The following CLASP2 variants were observed in gnomAD, a reference collection of about 807,000 sequenced individuals.
CLASP2 encodes cytoplasmic linker associated protein 2, also known as CLIP-associating protein 2.
Under a neutral mutation model 194.4 loss-of-function variants are expected in CLASP2, and 47 were observed. That is an observed-to-expected ratio of 0.24 (90% confidence interval 0.19 to 0.31). The LOEUF (loss-of-function observed/expected upper bound fraction) is 0.31. Among genes scored for constraint, CLASP2 ranks in the 10% least tolerant of loss-of-function variants. CLASP2 has a pLI of 1.00. For synonymous variants in CLASP2, 619 were observed against 633.5 expected (o/e 0.98, Z 0.34); for missense variants, 1,445 against 1,823.6 (o/e 0.79, Z 3.78).
At chr3:33,501,878 G>T in intron 37 of CLASP2, 110 bp from the exon 38 acceptor site, 1 of 715,902 alleles carries the variant, frequency 1.4e-6, no homozygotes. Context: ...GCATACTAAG[G>T]AGAGAAAAGT....
In CLASP2 at chr3:33,622,196, G is replaced by A. The variant is rs753854739; in HGVS notation, c.1120C>T (p.Leu374Phe). 1.7e-5 allele frequency: 27 copies of A among 1,604,430 alleles called. No individual in the cohort carries two copies. The highest frequency in any genetic ancestry group is 2.2e-5 in the Non-Finnish European group (26 of 1,175,476). Reference sequence around the variant, plus strand: ...CTAAGATCCTTAGCTGAAAGTTTAAGTGCTCCATCCAACAATCGTAAATGT... The same window carrying A: ...CTAAGATCCTTAGCTGAAAGTTTAAATGCTCCATCCAACAATCGTAAATGT... ...FQHLRLLDGA[L>F]KLSAKDLRSQ... The change falls in exon 11 of 39, where the codon CTT (leucine) becomes TTT (phenylalanine). Residue 374 changes from leucine (L) to phenylalanine (F), a missense_variant. Transcript: ENST00000682230.
intron 32 of CLASP2, among the ~76,000 whole-genome samples, chr3:33,539,813 T>C (rs2058033322): frequency 6.6e-6 from 1 of 152,146 alleles, no homozygotes; most frequent in Non-Finnish European, 1.5e-5. Context: ...AGAAAGTTTA[T>C]CAATCTCTGT....
At chr3:33,596,142 A>G (rs2070286998) in intron 19 of CLASP2, among the ~76,000 whole-genome samples, 1 of 152,100 alleles carries the variant, frequency 6.6e-6, no homozygotes, top group Middle Eastern at 3.4e-3. Context: ...AATATCATAC[A>G]GGGTTGTTAC....
Position 33,511,742 on chromosome 3 carries a change from C to T in CLASP2, c.4111-978G>A, listed in dbSNP as rs1056883436. ...ACAAACAACCCCATCAAAAAGTGGG[C>T]GAAGGACATGAACAGACACTTCTCA... On this transcript the variant is annotated intron_variant, in intron 36 of 38. Coordinates refer to ENST00000682230, the MANE Select transcript of CLASP2 (RefSeq NM_001365631.1). Among the ~76,000 whole-genome samples, 6 of 65,966 alleles carry T rather than the reference C, an allele frequency of 9.1e-5. 2 individuals are homozygous for T. The highest frequency in any genetic ancestry group is 2.2e-4 in the African/African-American group (4 of 18,074). 43.3% of individuals were successfully genotyped at this position (65,966 alleles called of 152,430 possible). A position where few individuals can be genotyped will look rare whatever the true frequency, so the allele number is the denominator to read the frequency against.
intron 18 of CLASP2, among the ~76,000 whole-genome samples, chr3:33,600,084 T>G (rs984747278): frequency 6.6e-6 from 1 of 152,068 alleles, no homozygotes; most frequent in African/African-American, 2.4e-5. Flanking sequence ...TATATATATT[T>G]TTTTTGTGTG....
chr3:33,670,198 A>G (rs936742498), intron 6 of CLASP2, among the ~76,000 whole-genome samples: 3 of 152,190 alleles, frequency 2.0e-5, no homozygotes, highest in Non-Finnish European at 2.9e-5. Context: ...TTAATATAAA[A>G]TTCAGAAACA....
intron 20 of CLASP2, among the ~76,000 whole-genome samples, chr3:33,594,224 A>C (rs2069592999): frequency 6.6e-6 from 1 of 152,212 alleles, no homozygotes; most frequent in Admixed American, 6.5e-5. Flanking sequence ...TAAATATGAG[A>C]CCAAATAAAA....
intron 6 of CLASP2, among the ~76,000 whole-genome samples, chr3:33,666,603 A>C (rs2086216010): frequency 6.6e-6 from 1 of 152,210 alleles, no homozygotes. Context: ...CTATTCACCA[A>C]GTAATGGACA....
At chr3:33,674,621 C>T in intron 6 of CLASP2, among the ~76,000 whole-genome samples, 1 of 151,828 alleles carries the variant, frequency 6.6e-6, no homozygotes, top group Non-Finnish European at 1.5e-5. Context: ...CACAAAAAAC[C>T]CTTCAAAAAA....
chr3:33,684,087 T>C (rs1488541357), intron 6 of CLASP2, among the ~76,000 whole-genome samples: 1 of 150,186 alleles, frequency 6.7e-6, no homozygotes, highest in Non-Finnish European at 1.5e-5. Flanking sequence ...CTACTAAAAA[T>C]ACAAAAAATT....
chr3:33,687,149 G>T lies in CLASP2; in HGVS notation c.471-14C>A. 2 of 1,527,456 alleles carry T rather than the reference G, an allele frequency of 1.3e-6. No homozygotes were observed. Among genetic ancestry groups the T allele is most frequent in the South Asian group, 1.2e-5 (1 of 80,804 alleles). The allele number at this position is 1,527,456 out of a possible 1,614,324, so 94.6% of individuals were successfully genotyped here. On this transcript the variant is annotated splice_polypyrimidine_tract_variant and intron_variant, in intron 4 of 38. Coordinates refer to ENST00000682230, the MANE Select transcript of CLASP2 (RefSeq NM_001365631.1). ...TGAGCCCCAAAACTAAATATAATTT[G>T]AGAAAAAAATAAAGAAAATTTGTTT... is the stretch of plus-strand genomic sequence containing the variant.
intron 11 of CLASP2, 132 bp downstream of exon 11, chr3:33,622,003 T>G (rs1217667705): frequency 3.3e-6 from 2 of 607,752 alleles, no homozygotes; most frequent in Admixed American, 8.3e-5. Context: ...TGAATCCTTA[T>G]GTATAATAAA....
intron 27 of CLASP2, among the ~76,000 whole-genome samples, chr3:33,561,864 G>T (rs902861764): frequency 7.2e-5 from 11 of 151,882 alleles, no homozygotes; most frequent in Admixed American, 5.2e-4. Flanking sequence ...TGTATTACTG[G>T]ACAAATCATA....
intron 16 of CLASP2, 69 bp downstream of exon 16, chr3:33,606,522 T>A: frequency 8.0e-7 from 1 of 1,253,602 alleles, no homozygotes; most frequent in Non-Finnish European, 1.1e-6. Flanking sequence ...TATTCAAGTA[T>A]CCAACTTATG....
chr3:33,628,108 C>T (rs1022210120), intron 9 of CLASP2, among the ~76,000 whole-genome samples: 17 of 152,264 alleles, frequency 1.1e-4, no homozygotes, highest in African/African-American at 4.1e-4. Flanking sequence ...ACATCTTTCA[C>T]TTTCAACAGC....
rs548770035 is a variant in CLASP2, at chr3:33,614,877, G to C, written c.1318-2806C>G. Among the ~76,000 whole-genome samples the C allele has an allele frequency of 4.6e-3, 696 of 152,236 alleles. 1 individual carries two copies. The highest frequency in any genetic ancestry group is 8.4e-3 in the Non-Finnish European group (570 of 68,014). The stretch of plus-strand genomic sequence containing the variant: ...GTGGTGGCAGGTGCCTGAAAGCCCA[G>C]CTACTTGGGAGGCTGAGGCAGAAGA... On this transcript the variant is annotated intron_variant, in intron 12 of 38. Transcript: ENST00000682230.
At chr3:33,527,516 C>T (rs1477065670) in intron 34 of CLASP2, among the ~76,000 whole-genome samples, 2 of 152,102 alleles carry the variant, frequency 1.3e-5, no homozygotes, top group Non-Finnish European at 2.9e-5. Flanking sequence ...CTGATGAATG[C>T]ACAGCTGAAT....
intron 13 of CLASP2, 118 bp from the exon 14 acceptor site, chr3:33,608,744 C>CTTTTTTTTTTTTTTTTTTTTT (rs766687478): frequency 6.6e-6 from 1 of 151,156 alleles, no homozygotes; most frequent in African/African-American, 4.6e-5. Context: ...TTTTAGATAT[C>CTTTTTTTTTTTTTTTTTTTTT]TTTTTTTTTT....
At chr3:33,658,984 A>T (rs1310972248) in intron 7 of CLASP2, 1 of 1,535,436 alleles carries the variant, frequency 6.5e-7, no homozygotes, top group African/African-American at 1.4e-5. Context: ...CATCTCCCAT[A>T]GCCATTAGAT....
Sources: gnomAD v4.1 joint callset for allele counts (sites outside exome capture counted in the v4.1 genomes callset) on GRCh38, gnomAD v4.1.1 for gene constraint, MANE v1.5 for transcripts, NCBI Gene and HGNC (gene_info 2026-07-23, HGNC 2026-07-21) for gene names.